The following KCNH7 variants were observed in gnomAD, a reference collection of about 807,000 sequenced individuals.
KCNH7 encodes potassium voltage-gated channel subfamily H member 7.
Under a neutral mutation model 120.8 loss-of-function variants are expected in KCNH7, and 49 were observed. That is an observed-to-expected ratio of 0.41 (90% CI 0.32 to 0.51). The LOEUF (loss-of-function observed/expected upper bound fraction) is 0.51. KCNH7 is among the 20% of genes least tolerant of loss of function. KCNH7 has a pLI of 0.38. For synonymous variants in KCNH7, 547 were observed against 516.1 expected, an observed-to-expected ratio of 1.06 and a Z score of -0.81; for missense variants, 1,097 against 1,446.6, an observed-to-expected ratio of 0.76 and a Z score of 3.92.
intron 2 of KCNH7, among the ~76,000 whole-genome samples, chr2:162,716,571 G>A (rs777381948): frequency 1.3e-5 from 2 of 152,064 alleles, no homozygotes; most frequent in Non-Finnish European, 2.9e-5. Flanking sequence ...AGCTAATATA[G>A]TATTGTACTT....
intron 13 of KCNH7, among the ~76,000 whole-genome samples, chr2:162,382,494 A>G (rs1686447317): frequency 6.6e-6 from 1 of 152,076 alleles, no homozygotes; most frequent in South Asian, 2.1e-4. Flanking sequence ...CTGGAAATGT[A>G]TGAACAGAAA....
chr2:162,751,609 A>G (rs1355991349), intron 2 of KCNH7, among the ~76,000 whole-genome samples: 1 of 151,878 alleles, frequency 6.6e-6, no homozygotes, highest in African/African-American at 2.4e-5. Flanking sequence ...CTCATAATTG[A>G]TATGTAGGCA....
At chr2:162,407,892 T>C (rs1239094632) in intron 9 of KCNH7, among the ~76,000 whole-genome samples, 2 of 152,046 alleles carry the variant, frequency 1.3e-5, no homozygotes, top group Non-Finnish European at 2.9e-5. Context: ...AACCAACATG[T>C]ACTTAAAATA....
chr2:162,467,681 T>A (rs1689353791), intron 6 of KCNH7, among the ~76,000 whole-genome samples: 3 of 152,208 alleles, frequency 2.0e-5, no homozygotes, highest in Admixed American at 2.0e-4. Flanking sequence ...AGAAACAGAC[T>A]AAGACAATGC....
At chr2:162,801,399 T>A (rs955117131) in intron 2 of KCNH7, among the ~76,000 whole-genome samples, 4 of 151,776 alleles carry the variant, frequency 2.6e-5, no homozygotes, top group African/African-American at 9.7e-5. Context: ...AATAAAAAAA[T>A]TAGTAAGATT....
rs968369668 is a variant in KCNH7 at position 162,644,197 on chromosome 2, C to A, written c.308-107117G>T. On this transcript the variant is annotated intron_variant, in intron 2 of 15. Transcript: ENST00000332142. ...GCTGTATCTGTGCTATTTACAATGACCCACTCAGTATCAACAAATAACCTG... is the reference window on the plus strand; with the variant it reads ...GCTGTATCTGTGCTATTTACAATGAACCACTCAGTATCAACAAATAACCTG... Among the ~76,000 whole-genome samples the A allele has an allele frequency of 2.6e-5, 4 of 152,006 alleles. No individual in the cohort carries two copies. In the East Asian group the frequency reaches 7.7e-4, roughly 29 times the overall value.
In KCNH7 at chr2:162,704,833, T is replaced by C. The variant is rs573395061; in HGVS notation, c.307+131704A>G. The stretch of plus-strand genomic sequence containing the variant: ...AAGACATCAGAAACCTACATGAATG[T>C]TTTTTCCCTGCCTTCTTAATCGGAA... On this transcript the variant is annotated intron_variant, in intron 2 of 15. Coordinates refer to ENST00000332142, the MANE Select transcript of KCNH7 (RefSeq NM_033272.4). 1.6e-4 allele frequency among the ~76,000 whole-genome samples: 24 copies of C among 152,288 alleles called. No individual in the cohort carries two copies. In the South Asian group the frequency reaches 3.5e-3, roughly 22 times the overall value.
intron 5 of KCNH7, among the ~76,000 whole-genome samples, chr2:162,507,249 T>C (rs1218421652): frequency 6.6e-6 from 1 of 151,742 alleles, no homozygotes; most frequent in African/African-American, 2.4e-5. Context: ...TTTGCAAATA[T>C]GTAAGCTAAG....
At chr2:162,754,798 G>C (rs528353108) in intron 2 of KCNH7, among the ~76,000 whole-genome samples, 1 of 152,270 alleles carries the variant, frequency 6.6e-6, no homozygotes, top group Admixed American at 6.5e-5. Context: ...GAATTATGAA[G>C]AAGCCACTGT....
At position 162,534,010 on chromosome 2, in the gene KCNH7, C is replaced by T. The variant is rs527982775; in HGVS notation, c.463+2915G>A. ...AGACAATAAAACCAGAAGTTTTTAA[C>T]AAAAAATAATACTTTAAAAATACCT... On this transcript the variant is annotated intron_variant, in intron 3 of 15. Coordinates refer to ENST00000332142, the MANE Select transcript of KCNH7 (RefSeq NM_033272.4). Among the ~76,000 whole-genome samples, 4 of 150,956 alleles carry T rather than the reference C, an allele frequency of 2.6e-5. No individual in the cohort carries two copies. The South Asian group carries it at 8.3e-4, about 32-fold the overall frequency.
intron 2 of KCNH7, among the ~76,000 whole-genome samples, chr2:162,615,286 C>A (rs576958913): frequency 2.0e-4 from 31 of 152,266 alleles, no homozygotes; most frequent in Non-Finnish European, 3.7e-4. Flanking sequence ...ACATTGTAAA[C>A]CAAGAGTAAC....
chr2:162,396,747 C>A lies in KCNH7; in HGVS notation c.2606G>T (p.Ser869Ile). ...CAAACAGTTAACATATACCTTTGCG[C>A]TCTCATGCCTTAGGTTGAAAGTCAA... The part of the protein sequence containing the change: ...LELTFNLRHE[S>I]AKADLLRSQS... The change falls in exon 11 of 16, where the codon AGC (serine) becomes ATC (isoleucine). Residue 869 changes from serine to isoleucine, a missense_variant. This residue lies in a region of KCNH7 where 406 missense variants were observed against 410.5 expected (regional missense o/e 0.99). Coordinates refer to ENST00000332142, the MANE Select transcript of KCNH7 (RefSeq NM_033272.4). The A allele has an allele frequency of 6.2e-7, 1 of 1,608,022 alleles. No individual in the cohort carries two copies. The highest frequency in any genetic ancestry group is 8.5e-7 in the Non-Finnish European group (1 of 1,175,662).
chr2:162,593,004 C>T (rs1276680100), intron 2 of KCNH7, among the ~76,000 whole-genome samples: 1 of 151,990 alleles, frequency 6.6e-6, no homozygotes, highest in Non-Finnish European at 1.5e-5. Flanking sequence ...CATAATCAAT[C>T]ATCTAAGTTA....
intron 2 of KCNH7, among the ~76,000 whole-genome samples, chr2:162,593,211 G>A (rs1435369680): frequency 2.0e-5 from 3 of 152,006 alleles, no homozygotes; most frequent in Non-Finnish European, 4.4e-5. Context: ...TATGGCCCAT[G>A]GGCCTTAATT....
intron 2 of KCNH7, among the ~76,000 whole-genome samples, chr2:162,798,606 C>CAAT (rs1164313109): frequency 1.3e-5 from 2 of 151,986 alleles, no homozygotes; most frequent in Non-Finnish European, 2.9e-5. Context: ...TCAATATAGT[C>CAAT]AGCAATATTT....
chr2:162,554,384 T>A (rs1414884306), intron 2 of KCNH7, among the ~76,000 whole-genome samples: 4 of 151,900 alleles, frequency 2.6e-5, no homozygotes, highest in African/African-American at 9.7e-5. Context: ...GTAATAAAGG[T>A]GAAAATTTGC....
intron 2 of KCNH7, among the ~76,000 whole-genome samples, chr2:162,742,299 AT>A (rs1445066712): frequency 6.6e-6 from 1 of 152,090 alleles, no homozygotes; most frequent in African/African-American, 2.4e-5. Context: ...TTGATTTTAT[AT>A]TTGTTAATGG....
At chr2:162,834,016 G>T (rs1342473094) in intron 2 of KCNH7, among the ~76,000 whole-genome samples, 1 of 152,034 alleles carries the variant, frequency 6.6e-6, no homozygotes, top group African/African-American at 2.4e-5. Context: ...AAAAGTCAAT[G>T]GCATCAATAA....
chr2:162,512,504 AT>A, intron 5 of KCNH7, 149 bp downstream of exon 5: 3 of 576,528 alleles, frequency 5.2e-6, no homozygotes. Flanking sequence ...CTGTAGCAAA[AT>A]CAAGCCATGA....
Sources: allele counts gnomAD v4.1 joint callset (sites outside exome capture counted in the v4.1 genomes callset), GRCh38; gene constraint gnomAD v4.1.1; regional missense constraint gnomAD v4.1.1; transcripts MANE v1.5; gene names NCBI Gene and HGNC (gene_info 2026-07-23, HGNC 2026-07-21).